CREBRF: variants seen among roughly 807,000 people sequenced by gnomAD.
CREBRF encodes CREB3 regulatory factor, also known as UPF0474 protein C5orf41.
CREBRF carries 5 observed loss-of-function variants against 66.1 expected under a neutral mutation model. That is an observed-to-expected ratio of 0.08 (90% CI 0.04 to 0.16). The LOEUF is 0.16. CREBRF is among the 10% of genes least tolerant of loss of function. CREBRF has a pLI of 1.00. For missense variants in CREBRF, 531 were observed against 744.9 expected (o/e 0.71, Z 3.34); for synonymous variants, 229 against 264.4 (o/e 0.87, Z 1.30).
chr5:173,083,773 C>T (rs1167772170), intron 2 of CREBRF, among the ~76,000 whole-genome samples: 5 of 152,096 alleles, frequency 3.3e-5, no homozygotes, highest in Middle Eastern at 3.2e-3. Flanking sequence ...TGAAAGTACT[C>T]GATAGGTGCT....
chr5:173,066,808 C>CTTTTTTTT (rs34093582), intron 1 of CREBRF, among the ~76,000 whole-genome samples: 4 of 63,032 alleles, frequency 6.3e-5, no homozygotes, highest in Admixed American at 2.3e-4. Flanking sequence ...TTCATTGAAT[C>CTTTTTTTT]TTTTTTTTTT....
rs1013733524 is a variant in CREBRF, at chr5:173,137,337, C to T, written c.*3592C>T. On this transcript the variant is annotated 3_prime_UTR_variant, in exon 9 of 9. Coordinates refer to ENST00000296953, the MANE Select transcript of CREBRF (RefSeq NM_153607.3). The stretch of plus-strand genomic sequence containing the variant: ...TTCAGATGGGTATGGTTTCAAATTC[C>T]CTCTCTTTATAGTTATTTTATATTT... 41 of 151,906 alleles carry T rather than the reference C, an allele frequency of 2.7e-4. No homozygotes were observed. Among genetic ancestry groups the T allele is most frequent in the African/African-American group, 9.4e-4 (39 of 41,382 alleles). 9.4% of individuals were successfully genotyped at this position (151,906 alleles called of 1,614,324 possible). A position where few individuals can be genotyped will look rare whatever the true frequency, so the allele number is the denominator to read the frequency against.
At chr5:173,080,937 C>G (rs1254860420) in intron 2 of CREBRF, 153 bp downstream of exon 2, 1 of 234,182 alleles carries the variant, frequency 4.3e-6, no homozygotes, top group Non-Finnish European at 7.0e-6. Flanking sequence ...ACATGTTCTT[C>G]CTTCCATTGG....
At chr5:173,100,241 G>T (rs977354539) in intron 4 of CREBRF, among the ~76,000 whole-genome samples, 4 of 147,982 alleles carry the variant, frequency 2.7e-5, no homozygotes, top group African/African-American at 1.0e-4. Flanking sequence ...CCTCCAAAGT[G>T]CTGGGATTAG....
chr5:173,100,347 AC>A (rs1425869932), intron 4 of CREBRF, among the ~76,000 whole-genome samples: 35 of 151,556 alleles, frequency 2.3e-4, no homozygotes, highest in Admixed American at 2.3e-3. Flanking sequence ...TGTTTTGCAT[AC>A]CACTGTTACA....
chr5:173,071,178 A>G (rs966570757), intron 1 of CREBRF, among the ~76,000 whole-genome samples: 10 of 128,654 alleles, frequency 7.8e-5, no homozygotes, highest in Admixed American at 2.3e-4. Context: ...AGTGGAAGAC[A>G]GAGTTGGAAA....
At chr5:173,073,898 C>T (rs375953883) in intron 1 of CREBRF, among the ~76,000 whole-genome samples, 1 of 151,952 alleles carries the variant, frequency 6.6e-6, no homozygotes, top group Non-Finnish European at 1.5e-5. Flanking sequence ...ACCTGGGAGG[C>T]GGAGGTTGTA....
At position 173,090,942 on chromosome 5, in the gene CREBRF, A is replaced by G; in HGVS notation, c.763A>G (p.Ile255Val). The change falls in exon 4 of 9, where the codon ATT becomes GTT. Residue 255 changes from isoleucine to valine, a missense_variant. Around this residue, in one of 5 missense-constraint regions of CREBRF, gnomAD observed 309 missense variants for 341.4 expected, o/e 0.90. Coordinates refer to ENST00000296953, the MANE Select transcript of CREBRF (RefSeq NM_153607.3). This position sits in a 1 kb window ranked among gnomAD's most constrained non-coding sequence, Gnocchi z 4.5. Reference protein sequence around the residue: ...VQQSRPLLSQIHTDAAKENTC... With the variant: ...VQQSRPLLSQVHTDAAKENTC... Reference sequence around the variant, plus strand: ...ACAGAGCCGGCCCTTGTTGAGCCAGATTCACACAGATGCAGCAAAGGAGAA... The same window carrying G: ...ACAGAGCCGGCCCTTGTTGAGCCAGGTTCACACAGATGCAGCAAAGGAGAA... 6.2e-7 allele frequency: 1 copy of G among 1,614,210 alleles called. No homozygotes were observed. Among genetic ancestry groups the G allele is most frequent in the South Asian group, 1.1e-5 (1 of 91,080 alleles).
chr5:173,103,886 G>A (rs1758686642), intron 4 of CREBRF, among the ~76,000 whole-genome samples: 1 of 152,190 alleles, frequency 6.6e-6, no homozygotes, highest in African/African-American at 2.4e-5. Flanking sequence ...GGCAGTAAAT[G>A]TGGTATTTGT....
chr5:173,114,457 C>T lies in CREBRF; in HGVS notation c.1681+2078C>T, dbSNP rs577769461. On this transcript the variant is annotated intron_variant, in intron 7 of 8. Coordinates refer to ENST00000296953, the MANE Select transcript of CREBRF (RefSeq NM_153607.3). The stretch of plus-strand genomic sequence containing the variant: ...AGACTTGAGAACATAGGCTTACCAA[C>T]TTTATATTTTGCCAAGTGAGAACAA... Among the ~76,000 whole-genome samples, 3 of 152,276 alleles carry T rather than the reference C, an allele frequency of 2.0e-5. No homozygotes were observed. The South Asian group carries it at 6.2e-4, about 32-fold the overall frequency.
intron 2 of CREBRF, among the ~76,000 whole-genome samples, chr5:173,084,328 A>G (rs1431525354): frequency 6.6e-6 from 1 of 152,164 alleles, no homozygotes; most frequent in African/African-American, 2.4e-5. Flanking sequence ...AACAACAACA[A>G]CAACAACACA....
chr5:173,116,649 T>A (rs1474333401), intron 7 of CREBRF, among the ~76,000 whole-genome samples: 1 of 152,054 alleles, frequency 6.6e-6, no homozygotes, highest in Admixed American at 6.6e-5. Context: ...ATACTTAGGT[T>A]GTTTCAAGTT....
At chr5:173,117,691 C>A (rs543990543) in intron 7 of CREBRF, among the ~76,000 whole-genome samples, 47 of 138,306 alleles carry the variant, frequency 3.4e-4, no homozygotes, top group African/African-American at 1.2e-3. Context: ...TCTCTCTCTC[C>A]TCCTCTTCCC....
chr5:173,132,458 CCCCTCCCCT>C, intron 8 of CREBRF, among the ~76,000 whole-genome samples: 1 of 96 alleles, frequency 0.01, no homozygotes, highest in African/African-American at 0.056. Context: ...CTCCCCCCCT[CCCCTCCCCT>C]CCCCTCCCCC....
intron 8 of CREBRF, chr5:173,124,573 AAAAAAG>A (rs1461809468): frequency 3.4e-5 from 5 of 148,276 alleles, no homozygotes; most frequent in African/African-American, 1.2e-4. Flanking sequence ...AAAAAAAAAA[AAAAAAG>A]AAAAAAGAAA....
In CREBRF at chr5:173,135,306, A is replaced by G. The variant is rs1451262302; in HGVS notation, c.*1561A>G. 1 of 152,468 alleles carries G rather than the reference A, an allele frequency of 6.6e-6. No individual in the cohort carries two copies. Among genetic ancestry groups the G allele is most frequent in the East Asian group, 1.9e-4 (1 of 5,202 alleles). The allele number at this position is 152,468 out of a possible 1,614,324, so 9.4% of individuals were successfully genotyped here. A position where few individuals can be genotyped will look rare whatever the true frequency, so the allele number is the denominator to read the frequency against. On this transcript the variant is annotated 3_prime_UTR_variant, in exon 9 of 9. Transcript: ENST00000296953. ...TTCTAGAATTGAGAAACATTAACAC[A>G]TTTAGTTTTTAGGTGCTCTTTTTTG...
At chr5:173,086,405 T>C (rs577220927) in intron 2 of CREBRF, 96 bp from the exon 3 acceptor site, 1 of 1,091,558 alleles carries the variant, frequency 9.2e-7, no homozygotes, top group South Asian at 1.4e-5. Flanking sequence ...CTGAAAAGAA[T>C]AAGTTACTTA....
chr5:173,092,532 A>G (rs527328898), intron 4 of CREBRF, among the ~76,000 whole-genome samples: 1 of 152,310 alleles, frequency 6.6e-6, no homozygotes, highest in African/African-American at 2.4e-5. Context: ...TTAAATTTAA[A>G]CTAAAGTTAT....
At chr5:173,065,567 T>C (rs1412809571) in intron 1 of CREBRF, among the ~76,000 whole-genome samples, 4 of 152,126 alleles carry the variant, frequency 2.6e-5, no homozygotes, top group African/African-American at 9.7e-5. Flanking sequence ...CTGACTCTAT[T>C]TGTCTCTTGC....
Sources: allele counts gnomAD v4.1 joint callset (sites outside exome capture counted in the v4.1 genomes callset), GRCh38; gene constraint gnomAD v4.1.1; regional missense constraint gnomAD v4.1.1; non-coding constraint Gnocchi (gnomAD v3.1); transcripts MANE v1.5; gene names NCBI Gene and HGNC (gene_info 2026-07-23, HGNC 2026-07-21).